The following BRINP2 variants were observed in gnomAD, a reference collection of about 807,000 sequenced individuals.
The protein encoded by BRINP2 is BMP/retinoic acid inducible neural specific 2.
BRINP2 carries 21 observed loss-of-function variants against 69.2 expected under a neutral mutation model. That is an observed-to-expected ratio of 0.30 (90% confidence interval 0.22 to 0.44). The LOEUF is 0.44. Among genes scored for constraint, BRINP2 ranks in the 20% least tolerant of loss-of-function variants. The pLI is 1.00. For missense variants in BRINP2, 877 were observed against 986.0 expected (o/e 0.89, Z 1.48); for synonymous variants, 380 against 394.1 (o/e 0.96, Z 0.42).
chr1:177,182,163 C>T (rs1281858420), intron 1 of BRINP2, among the ~76,000 whole-genome samples: 5 of 148,588 alleles, frequency 3.4e-5, no homozygotes, highest in Admixed American at 1.3e-4. Context: ...CCCATCCTCC[C>T]TTAGCTCCCT....
At chr1:177,212,389 C>A (rs1359503357) in intron 1 of BRINP2, among the ~76,000 whole-genome samples, 1 of 152,000 alleles carries the variant, frequency 6.6e-6, no homozygotes, top group African/African-American at 2.4e-5. Flanking sequence ...ACTGAAAATA[C>A]AAAAAATTAG....
intron 1 of BRINP2, among the ~76,000 whole-genome samples, chr1:177,224,152 A>T (rs1484636991): frequency 6.6e-6 from 1 of 152,172 alleles, no homozygotes; most frequent in Non-Finnish European, 1.5e-5. Flanking sequence ...TTGCATCAAG[A>T]TATTGCGGAT....
At chr1:177,224,715 A>G (rs1649644025) in intron 1 of BRINP2, among the ~76,000 whole-genome samples, 1 of 152,052 alleles carries the variant, frequency 6.6e-6, no homozygotes, top group Admixed American at 6.6e-5. Context: ...TTAATTATCC[A>G]TTTCTGCCTT....
At chr1:177,268,052 T>A (rs1002662219) in intron 4 of BRINP2, among the ~76,000 whole-genome samples, 1 of 152,170 alleles carries the variant, frequency 6.6e-6, no homozygotes, top group Non-Finnish European at 1.5e-5. Context: ...AGTTTTCACA[T>A]TTACACAACT....
At chr1:177,232,930 C>T (rs961809390) in intron 2 of BRINP2, among the ~76,000 whole-genome samples, 2 of 152,082 alleles carry the variant, frequency 1.3e-5, no homozygotes, top group Non-Finnish European at 2.9e-5. Context: ...CATTTATAAG[C>T]GGATGCACTG....
At chr1:177,218,433 G>A (rs1649437434) in intron 1 of BRINP2, among the ~76,000 whole-genome samples, 1 of 152,064 alleles carries the variant, frequency 6.6e-6, no homozygotes, top group Non-Finnish European at 1.5e-5. Context: ...GGTGCACTGA[G>A]CTTTTACCAA....
chr1:177,181,993 G>C lies in BRINP2; in HGVS notation c.-77+10261G>C, dbSNP rs1258338143. On this transcript the variant is annotated intron_variant, in intron 1 of 7. Coordinates refer to ENST00000361539, the MANE Select transcript of BRINP2 (RefSeq NM_021165.4). ...AAGTACACTCCGGCAAGCTCGAAAG[G>C]GACAGCAGGGGAGCCATGTGTGCGT... Among the ~76,000 whole-genome samples the C allele has an allele frequency of 3.3e-5, 5 of 152,212 alleles. No individual in the cohort carries two copies. The East Asian group carries it at 9.6e-4, about 29-fold the overall frequency.
At chr1:177,188,212 C>T (rs1015108680) in intron 1 of BRINP2, among the ~76,000 whole-genome samples, 2 of 152,100 alleles carry the variant, frequency 1.3e-5, no homozygotes, top group African/African-American at 4.8e-5. Flanking sequence ...TTTATTCCAT[C>T]TAGTTCAATT....
At position 177,256,098 on chromosome 1, in the gene BRINP2, C is replaced by T. The variant is rs150520860; in HGVS notation, c.449C>T (p.Ala150Val). 6.2e-7 allele frequency: 1 copy of T among 1,613,736 alleles called. No individual in the cohort carries two copies. The highest frequency in any genetic ancestry group is 2.2e-5 in the East Asian group (1 of 44,880). The change falls in exon 3 of 8, where the codon GCC (alanine) becomes GTC (valine). Residue 150 changes from alanine (A) to valine (V), a missense_variant. By Grantham distance (64) the Ala-to-Val change is moderately conservative. Around this residue, in one of 3 missense-constraint regions of BRINP2, gnomAD observed 566 missense variants for 625.2 expected, o/e 0.91. Transcript: ENST00000361539. ...KKYGTHFLLS[A>V]TLGGEESLTI... ...TACGGCACTCATTTCTTACTTTCTGCCACCCTTGGAGGTAAGCAACATCAC... is the reference window on the plus strand; with the variant it reads ...TACGGCACTCATTTCTTACTTTCTGTCACCCTTGGAGGTAAGCAACATCAC...
chr1:177,196,073 C>A (rs988542057), intron 1 of BRINP2, among the ~76,000 whole-genome samples: 1 of 152,168 alleles, frequency 6.6e-6, no homozygotes, highest in Non-Finnish European at 1.5e-5. Context: ...TCTCTATTTA[C>A]CCCTTTTCAA....
rs528558480 is a variant in BRINP2, at chr1:177,171,306, G to C, written c.-503G>C. 7.9e-5 allele frequency among the ~76,000 whole-genome samples: 12 copies of C among 152,296 alleles called. No individual in the cohort carries two copies. The highest frequency in any genetic ancestry group is 2.9e-4 in the African/African-American group (12 of 41,570). On this transcript the variant is annotated 5_prime_UTR_variant, in exon 1 of 8. Coordinates refer to ENST00000361539, the MANE Select transcript of BRINP2 (RefSeq NM_021165.4). Reference sequence around the variant, plus strand: ...GGGTTTCTCCTCGGCGGAGGGACAGGGGACTCCCCCAGTTGGGTCTTGCAC... The same window carrying C: ...GGGTTTCTCCTCGGCGGAGGGACAGCGGACTCCCCCAGTTGGGTCTTGCAC...
Position 177,257,250 on chromosome 1 carries a change from A to G in BRINP2, c.535A>G (p.Ile179Val), listed in dbSNP as rs913771157. 2 of 1,614,108 alleles carry G rather than the reference A, an allele frequency of 1.2e-6. No homozygotes were observed. Among genetic ancestry groups the G allele is most frequent in the Non-Finnish European group, 8.5e-7 (1 of 1,180,012 alleles). ...GACAGAGACAACAGGAGGTGCCTCT[A>G]TAATCGGGGGCAGTGGGAACAGCAC... ...RKTETTGGAS[I>V]IGGSGNSTAV... The change falls in exon 4 of 8, where the codon ATA becomes GTA. Residue 179 changes from isoleucine (I) to valine (V), a missense_variant. Physicochemically the swap from Ile to Val is conservative, Grantham distance 29. Coordinates refer to ENST00000361539, the MANE Select transcript of BRINP2 (RefSeq NM_021165.4).
chr1:177,178,345 C>G lies in BRINP2; in HGVS notation c.-77+6613C>G, dbSNP rs572414694. On this transcript the variant is annotated intron_variant, in intron 1 of 7. Coordinates refer to ENST00000361539, the MANE Select transcript of BRINP2 (RefSeq NM_021165.4). Reference sequence around the variant, plus strand: ...AATAACAATTGCTTAGCATAACAAACAGGAGCTCCTTCATGAGCTGGTCCA... The same window carrying G: ...AATAACAATTGCTTAGCATAACAAAGAGGAGCTCCTTCATGAGCTGGTCCA... Among the ~76,000 whole-genome samples the G allele has an allele frequency of 2.0e-5, 3 of 152,296 alleles. No homozygotes were observed. The South Asian group carries it at 6.2e-4, about 32-fold the overall frequency.
At chr1:177,265,879 G>T (rs1651101102) in intron 4 of BRINP2, among the ~76,000 whole-genome samples, 1 of 152,018 alleles carries the variant, frequency 6.6e-6, no homozygotes, top group Non-Finnish European at 1.5e-5. Context: ...CTAGCACTTT[G>T]GGAGGCCAAG....
At chr1:177,221,336 G>A (rs1649526495) in intron 1 of BRINP2, among the ~76,000 whole-genome samples, 1 of 152,106 alleles carries the variant, frequency 6.6e-6, no homozygotes, top group South Asian at 2.1e-4. Flanking sequence ...GGCAACTCTG[G>A]GACTCATGGG....
At chr1:177,271,957 A>G (rs1316775987) in intron 4 of BRINP2, among the ~76,000 whole-genome samples, 2 of 152,042 alleles carry the variant, frequency 1.3e-5, no homozygotes, top group Non-Finnish European at 2.9e-5. Flanking sequence ...ACTCTGCTCC[A>G]TGTGTATTTT....
At chr1:177,185,280 G>A (rs1230645975) in intron 1 of BRINP2, among the ~76,000 whole-genome samples, 1 of 152,100 alleles carries the variant, frequency 6.6e-6, no homozygotes, top group Non-Finnish European at 1.5e-5. Flanking sequence ...AAAGAAACAT[G>A]TTTTATCTTT....
At chr1:177,205,902 C>G (rs1378853578) in intron 1 of BRINP2, among the ~76,000 whole-genome samples, 1 of 152,190 alleles carries the variant, frequency 6.6e-6, no homozygotes, top group East Asian at 1.9e-4. Flanking sequence ...GCATAGGCCC[C>G]TCCCATAGCG....
intron 1 of BRINP2, among the ~76,000 whole-genome samples, chr1:177,186,190 C>G (rs1180615013): frequency 6.6e-6 from 1 of 152,132 alleles, no homozygotes; most frequent in East Asian, 1.9e-4. Context: ...CCACCCCACT[C>G]TCAACCCTCT....
Sources: gnomAD v4.1 joint callset for allele counts (sites outside exome capture counted in the v4.1 genomes callset) on GRCh38, gnomAD v4.1.1 for gene constraint, gnomAD v4.1.1 regional missense constraint, MANE v1.5 for transcripts, NCBI Gene and HGNC (gene_info 2026-07-23, HGNC 2026-07-21) for gene names.